SNRPN: variants seen among roughly 807,000 people sequenced by gnomAD.
SNRPN encodes small nuclear ribonucleoprotein-associated protein N.
Under a neutral mutation model 25.2 loss-of-function variants are expected in SNRPN, and 7 were observed. The observed-to-expected ratio is 0.28, with a 90% CI of 0.16 to 0.52. The LOEUF is 0.52. Ranked by LOEUF, SNRPN falls within the 20% of genes least tolerant of loss-of-function variation. The pLI, the probability that SNRPN is intolerant of heterozygous loss-of-function variation, is 0.96. For synonymous variants in SNRPN, 124 were observed against 110.6 expected (o/e 1.12, Z -0.76); for missense variants, 196 against 322.5 (o/e 0.61, Z 3.00).
intron 2 of SNRPN, among the ~76,000 whole-genome samples, chr15:24,838,194 C>T (rs2051388144): frequency 6.6e-6 from 1 of 151,674 alleles, no homozygotes; most frequent in Non-Finnish European, 1.5e-5. Context: ...GCCACCACGC[C>T]CAGGTAAAAT....
At chr15:24,948,962 C>T (rs2062050876) in intron 3 of SNRPN, among the ~76,000 whole-genome samples, 2 of 151,134 alleles carry the variant, frequency 1.3e-5, no homozygotes, top group Non-Finnish European at 2.9e-5. Flanking sequence ...CCTCTCCCAT[C>T]CCCTGAAAAT....
intron 3 of SNRPN, among the ~76,000 whole-genome samples, chr15:24,941,425 G>A (rs982300351): frequency 2.0e-5 from 3 of 152,196 alleles, no homozygotes; most frequent in Non-Finnish European, 4.4e-5. Context: ...TACTCATTAT[G>A]TATTTCCATT....
upstream of SNRPN, among the ~76,000 whole-genome samples, chr15:24,951,118 C>A (rs1362475646): frequency 6.6e-6 from 1 of 152,122 alleles, no homozygotes; most frequent in Non-Finnish European, 1.5e-5. Flanking sequence ...GTCTCGGCCT[C>A]CCAAAGTGCT....
chr15:24,868,962 C>T (rs775902347), intron 1 of SNRPN, among the ~76,000 whole-genome samples: 11 of 152,180 alleles, frequency 7.2e-5, no homozygotes, highest in Non-Finnish European at 1.5e-4. Context: ...CATAGCCAGA[C>T]CCTATCTCTA....
intron 1 of SNRPN, among the ~76,000 whole-genome samples, chr15:24,859,754 AT>A (rs977698136): frequency 1.3e-5 from 2 of 152,138 alleles, no homozygotes; most frequent in African/African-American, 4.8e-5. Flanking sequence ...CTGGATTCCC[AT>A]TTTCATGGTT....
chr15:24,865,571 C>G (rs2054503565), intron 1 of SNRPN, among the ~76,000 whole-genome samples: 1 of 152,102 alleles, frequency 6.6e-6, no homozygotes, highest in African/African-American at 2.4e-5. Context: ...GGTGGATGAG[C>G]TGCAAATTGT....
At chr15:24,953,483 C>G (rs2062442334), upstream of SNRPN, among the ~76,000 whole-genome samples, 1 of 152,074 alleles carries the variant, frequency 6.6e-6, no homozygotes, top group African/African-American at 2.4e-5. Flanking sequence ...GCCATCACGC[C>G]CAGCTAATTT....
At chr15:24,878,758 G>T (rs1400790996) in intron 1 of SNRPN, among the ~76,000 whole-genome samples, 2 of 150,954 alleles carry the variant, frequency 1.3e-5, no homozygotes, top group African/African-American at 2.4e-5. Flanking sequence ...TCTTTTTTGC[G>T]TTCTTTGAAA....
intron 1 of SNRPN, among the ~76,000 whole-genome samples, chr15:24,829,002 T>G (rs962243450): frequency 1.3e-5 from 2 of 152,108 alleles, no homozygotes; most frequent in Non-Finnish European, 2.9e-5. Context: ...CATGTTCATC[T>G]TCAAGTGCAA....
In SNRPN at chr15:24,977,946, T is replaced by C. The variant is rs777028987; in HGVS notation, c.559+30T>C. The C allele has an allele frequency of 5.7e-5, 87 of 1,527,416 alleles. 1 individual carries two copies. In the Admixed American group the frequency reaches 1.9e-3, roughly 33 times the overall value. 94.6% of individuals were successfully genotyped at this position (1,527,416 alleles called of 1,614,324 possible). On this transcript the variant is annotated intron_variant, in intron 8 of 9. Transcript: ENST00000390687. ...GGGATTGGTGAACACGAAGACGAAC[T>C]TGAATCTCTGATGAGAGATAGCTTA...
chr15:24,956,740 G>C (rs1271468058), intron 1 of SNRPN, among the ~76,000 whole-genome samples: 1 of 152,212 alleles, frequency 6.6e-6, no homozygotes, highest in Non-Finnish European at 1.5e-5. Context: ...GCTCCGCCTA[G>C]CAAGCTTGGC....
intron 2 of SNRPN, among the ~76,000 whole-genome samples, chr15:24,904,968 C>T (rs1234697974): frequency 7.2e-6 from 1 of 139,408 alleles, no homozygotes; most frequent in East Asian, 2.3e-4. Flanking sequence ...AAAAAATTAG[C>T]TGGGCGTGGT....
At chr15:24,839,518 G>T (rs961958189) in intron 2 of SNRPN, among the ~76,000 whole-genome samples, 3 of 152,106 alleles carry the variant, frequency 2.0e-5, no homozygotes, top group African/African-American at 7.3e-5. Context: ...GCCATTCCCT[G>T]ATGAGGTATG....
intron 2 of SNRPN, among the ~76,000 whole-genome samples, chr15:24,888,112 C>CTTTTTTTTTTT (rs113183574): frequency 1.4e-5 from 2 of 139,900 alleles, no homozygotes; most frequent in East Asian, 2.1e-4. Context: ...TTAGAAATGA[C>CTTTTTTTTTTT]TTTTTTTTTT....
upstream of SNRPN, among the ~76,000 whole-genome samples, chr15:24,853,456 C>T (rs75128003): frequency 5.4e-4 from 82 of 151,686 alleles, no homozygotes; most frequent in African/African-American, 1.9e-3. Context: ...TGCAGTGACG[C>T]GATCTCGGCT....
intron 9 of SNRPN, 38 bp from the exon 10 acceptor site, chr15:24,978,364 TATGTG>T (rs2077306463): frequency 6.2e-7 from 1 of 1,614,042 alleles, no homozygotes; most frequent in East Asian, 2.2e-5. Flanking sequence ...GGCCCCTGAA[TATGTG>T]TATCCTCTTT....
chr15:24,949,371 C>A (rs1480430644), intron 3 of SNRPN, among the ~76,000 whole-genome samples: 1 of 152,122 alleles, frequency 6.6e-6, no homozygotes, highest in African/African-American at 2.4e-5. Flanking sequence ...ATAAAAACGC[C>A]TGACATGTTG....
At position 24,903,862 on chromosome 15, in the gene SNRPN, A is replaced by C. The variant is rs535478183; in HGVS notation, c.-504-16149A>C. ...AGCTTGGGCAATGTGGATAAACCCCATCTCTACAAAAACATACAAAAAATT... is the reference window on the plus strand; with the variant it reads ...AGCTTGGGCAATGTGGATAAACCCCCTCTCTACAAAAACATACAAAAAATT... On this transcript the variant is annotated intron_variant, in intron 2 of 11. Coordinates refer to the SNRPN transcript ENST00000400097. 2.0e-5 allele frequency among the ~76,000 whole-genome samples: 3 copies of C among 152,146 alleles called. No homozygotes were observed. The East Asian group carries it at 5.8e-4, about 29-fold the overall frequency.
At chr15:24,918,602 A>G (rs1395340629) in intron 2 of SNRPN, among the ~76,000 whole-genome samples, 2 of 104,306 alleles carry the variant, frequency 1.9e-5, no homozygotes, top group Non-Finnish European at 1.8e-5. Context: ...ATATGTATAT[A>G]TATAACATAA....
Sources: gnomAD v4.1 joint callset for allele counts (sites outside exome capture counted in the v4.1 genomes callset) on GRCh38, gnomAD v4.1.1 for gene constraint, MANE v1.5 for transcripts, NCBI Gene and HGNC (gene_info 2026-07-23, HGNC 2026-07-21) for gene names.